Variants in IGSF5 observed in about 807,000 individuals in gnomAD.
IGSF5 encodes the protein immunoglobulin superfamily 5 like.
A neutral mutation model predicts 39.4 loss-of-function variants in IGSF5; 41 were observed. The ratio of observed to expected loss-of-function variants is 1.04; its 90% confidence interval spans 0.81 to 1.35. The LOEUF is 1.35. IGSF5 is among the 40% of genes most tolerant of loss of function. The pLI, the probability that IGSF5 is intolerant of heterozygous loss-of-function variation, is 0.00. For missense variants in IGSF5, 487 were observed against 494.6 expected (o/e 0.98, Z 0.15); for synonymous variants, 183 against 175.3 (o/e 1.04, Z -0.34).
In IGSF5 at chr21:39,787,196, C is replaced by T. The variant is rs547773310; in HGVS notation, c.935-971C>T. The stretch of plus-strand genomic sequence containing the variant: ...TTACAAACTGTGCTTACGCTGGTGG[C>T]GTTGGAGGCATTCCCCTGTTGCTGG... On this transcript the variant is annotated intron_variant, in intron 5 of 8. Coordinates refer to ENST00000380588, the MANE Select transcript of IGSF5 (RefSeq NM_001080444.2). 1.4e-4 allele frequency among the ~76,000 whole-genome samples: 21 copies of T among 152,232 alleles called. No individual in the cohort carries two copies. In the South Asian group the frequency reaches 3.3e-3, roughly 24 times the overall value.
upstream of IGSF5, among the ~76,000 whole-genome samples, chr21:39,742,421 G>A (rs576195075): frequency 1.1e-4 from 17 of 152,310 alleles, no homozygotes; most frequent in South Asian, 2.1e-4. Context: ...CCGCACCGGC[G>A]TCCAGGAGAC....
intron 5 of IGSF5, among the ~76,000 whole-genome samples, chr21:39,784,246 A>C (rs2080185666): frequency 6.6e-6 from 1 of 152,222 alleles, no homozygotes; most frequent in Non-Finnish European, 1.5e-5. Flanking sequence ...GAAAACCACT[A>C]AATGACTTAG....
At chr21:39,797,786 A>G (rs1174077169) in intron 8 of IGSF5, among the ~76,000 whole-genome samples, 1 of 152,154 alleles carries the variant, frequency 6.6e-6, no homozygotes, top group Admixed American at 6.5e-5. Flanking sequence ...CTCCCAAAGC[A>G]TTGGGATTAT....
chr21:39,756,119 A>G (rs9753837), intron 2 of IGSF5, among the ~76,000 whole-genome samples: 3 of 117,876 alleles, frequency 2.5e-5, no homozygotes, highest in African/African-American at 6.4e-5. Context: ...ACAAACAAAC[A>G]AACGAAAGAA....
the IGSF5 span, among the ~76,000 whole-genome samples, chr21:39,718,775 A>G: frequency 6.6e-6 from 1 of 152,196 alleles, no homozygotes. Context: ...AGATTTTTGC[A>G]TGGATGTTTA....
chr21:39,786,244 C>T (rs1170867891), intron 5 of IGSF5, among the ~76,000 whole-genome samples: 1 of 152,064 alleles, frequency 6.6e-6, no homozygotes, highest in African/African-American at 2.4e-5. Context: ...CTACAATGAA[C>T]TCAAACAAAT....
At position 39,745,298 on chromosome 21, in the gene IGSF5, C is replaced by T. The variant is rs952766976; in HGVS notation, c.-212C>T. 7.2e-5 allele frequency: 32 copies of T among 447,070 alleles called. No homozygotes were observed. The highest frequency in any genetic ancestry group is 1.1e-4 in the Non-Finnish European group (27 of 246,314). 27.7% of individuals were successfully genotyped at this position (447,070 alleles called of 1,614,324 possible). On this transcript the variant is annotated 5_prime_UTR_variant, in exon 1 of 9. The change creates a new upstream start codon in the 5' untranslated region. Coordinates refer to ENST00000380588, the MANE Select transcript of IGSF5 (RefSeq NM_001080444.2). ...AGCTGTATACCTAAATTAGGAGGGA[C>T]GCCAGGGATAAGACTCCCTGGGCTA...
At chr21:39,773,036 A>T (rs959585495) in intron 4 of IGSF5, among the ~76,000 whole-genome samples, 1 of 152,170 alleles carries the variant, frequency 6.6e-6, no homozygotes, top group African/African-American at 2.4e-5. Flanking sequence ...AGGCAAACTC[A>T]TGTCACAGGG....
chr21:39,765,197 A>G (rs559773367), intron 2 of IGSF5, among the ~76,000 whole-genome samples: 4 of 152,260 alleles, frequency 2.6e-5, no homozygotes, highest in Admixed American at 1.3e-4. Flanking sequence ...ACCCAGGTTG[A>G]TTTCATCTTG....
At chr21:39,718,609 T>C in the IGSF5 span, among the ~76,000 whole-genome samples, 1 of 152,244 alleles carries the variant, frequency 6.6e-6, no homozygotes, top group Non-Finnish European at 1.5e-5. Context: ...GAGATAATCA[T>C]ATGGTTTTTG....
At chr21:39,779,652 A>T (rs1263997336) in intron 5 of IGSF5, among the ~76,000 whole-genome samples, 2 of 152,248 alleles carry the variant, frequency 1.3e-5, no homozygotes, top group African/African-American at 4.8e-5. Flanking sequence ...GAATCAACCT[A>T]TGTACATCAA....
chr21:39,790,775 C>T (rs2086959515), intron 6 of IGSF5, among the ~76,000 whole-genome samples: 1 of 152,172 alleles, frequency 6.6e-6, no homozygotes, highest in South Asian at 2.1e-4. Flanking sequence ...AGCTGATTCT[C>T]TTTATCTGCA....
intron 2 of IGSF5, among the ~76,000 whole-genome samples, chr21:39,756,046 G>A (rs568801925): frequency 4.6e-5 from 7 of 152,270 alleles, no homozygotes; most frequent in South Asian, 4.2e-4. Flanking sequence ...AGCCGAGATC[G>A]TGCCATTGCA....
At chr21:39,788,373 A>T (rs1219691078) in intron 6 of IGSF5, among the ~76,000 whole-genome samples, 185 bp downstream of exon 6, 1 of 152,244 alleles carries the variant, frequency 6.6e-6, no homozygotes, top group African/African-American at 2.4e-5. Flanking sequence ...GGCAACATGA[A>T]CTGTGGGATG....
At chr21:39,799,790 T>G (rs1251818199) in intron 8 of IGSF5, among the ~76,000 whole-genome samples, 1 of 152,138 alleles carries the variant, frequency 6.6e-6, no homozygotes, top group Admixed American at 6.6e-5. Flanking sequence ...ATATTTTAGA[T>G]GGGTCCTAAA....
chr21:39,741,675 A>G (rs1672037092), upstream of IGSF5, among the ~76,000 whole-genome samples: 1 of 152,206 alleles, frequency 6.6e-6, no homozygotes, highest in South Asian at 2.1e-4. Flanking sequence ...CCCTTGGGGT[A>G]AAACAGTCCA....
At chr21:39,739,305 G>A in the IGSF5 span, among the ~76,000 whole-genome samples, 2 of 150,888 alleles carry the variant, frequency 1.3e-5, no homozygotes, top group African/African-American at 4.9e-5. Context: ...AGTGAAAATA[G>A]AGCTCCCATA....
At chr21:39,798,591 T>G (rs2087011017) in intron 8 of IGSF5, among the ~76,000 whole-genome samples, 1 of 152,242 alleles carries the variant, frequency 6.6e-6, no homozygotes, top group African/African-American at 2.4e-5. Context: ...TGTACACATC[T>G]GTGTCTACAT....
chr21:39,746,975 A>G (rs2079978564), intron 2 of IGSF5, among the ~76,000 whole-genome samples: 1 of 152,218 alleles, frequency 6.6e-6, no homozygotes, highest in South Asian at 2.1e-4. Flanking sequence ...GGTCAGCCCA[A>G]GGGCAGGCAC....
Sources: allele counts gnomAD v4.1 joint callset (sites outside exome capture counted in the v4.1 genomes callset), GRCh38; gene constraint gnomAD v4.1.1; transcripts MANE v1.5; gene names NCBI Gene and HGNC (gene_info 2026-07-23, HGNC 2026-07-21).